Variants in NFIB observed in about 807,000 individuals in gnomAD.
The protein encoded by NFIB is nuclear factor 1 B-type.
In NFIB, 11 loss-of-function variants were observed where a neutral mutation model predicts 61.5. The ratio of observed to expected loss-of-function variants is 0.18; its 90% CI spans 0.11 to 0.30. The LOEUF (loss-of-function observed/expected upper bound fraction) is 0.30. NFIB is among the 10% of genes least tolerant of loss of function. NFIB has a pLI of 1.00. For missense variants in NFIB, 471 were observed against 608.9 expected, an observed-to-expected ratio of 0.77 and a Z score of 2.38; for synonymous variants, 260 against 216.5, an observed-to-expected ratio of 1.20 and a Z score of -1.76.
chr9:14,374,727 T>A (rs1458389091), intron 1 of NFIB, among the ~76,000 whole-genome samples: 1 of 152,100 alleles, frequency 6.6e-6, no homozygotes, highest in Non-Finnish European at 1.5e-5. Flanking sequence ...CTGGCCAACA[T>A]GGTGAAACCC....
chr9:14,386,472 C>G (rs2061549858), intron 1 of NFIB, among the ~76,000 whole-genome samples: 1 of 152,198 alleles, frequency 6.6e-6, no homozygotes, highest in Non-Finnish European at 1.5e-5. Flanking sequence ...AGAGCACTAT[C>G]TTACGCTACA....
At chr9:14,484,452 T>C in the NFIB span, among the ~76,000 whole-genome samples, 2 of 152,242 alleles carry the variant, frequency 1.3e-5, no homozygotes, top group African/African-American at 4.8e-5. Flanking sequence ...CCCAATCTTC[T>C]CATCTACTTC....
intron 2 of NFIB, among the ~76,000 whole-genome samples, chr9:14,277,027 G>A (rs1195436454): frequency 6.6e-6 from 1 of 151,946 alleles, no homozygotes; most frequent in Non-Finnish European, 1.5e-5. Flanking sequence ...TGATCCACCT[G>A]TTAAAAAAAG....
At chr9:14,156,650 T>C (rs145421684) in intron 3 of NFIB, among the ~76,000 whole-genome samples, 78 of 152,290 alleles carry the variant, frequency 5.1e-4, no homozygotes, top group African/African-American at 1.8e-3. Flanking sequence ...GCCTGCTTGC[T>C]AGCTGGTCTA....
chr9:14,311,166 G>C (rs1243357497), intron 1 of NFIB, among the ~76,000 whole-genome samples: 2 of 151,866 alleles, frequency 1.3e-5, no homozygotes, highest in Non-Finnish European at 2.9e-5. Flanking sequence ...ATACTATTTT[G>C]CTAAACATAA....
At chr9:14,449,440 T>G in the NFIB span, among the ~76,000 whole-genome samples, 2 of 152,166 alleles carry the variant, frequency 1.3e-5, no homozygotes. Flanking sequence ...CAGGCAAAGT[T>G]GAGGATCACT....
At chr9:14,327,482 T>C (rs1160812751) in intron 1 of NFIB, among the ~76,000 whole-genome samples, 1 of 152,180 alleles carries the variant, frequency 6.6e-6, no homozygotes, top group African/African-American at 2.4e-5. Flanking sequence ...CAAACACACA[T>C]TGCATGCTTA....
chr9:14,131,262 G>A (rs2040370731), intron 6 of NFIB, among the ~76,000 whole-genome samples: 1 of 152,088 alleles, frequency 6.6e-6, no homozygotes, highest in Admixed American at 6.6e-5. Flanking sequence ...AGTTCAAGTA[G>A]GCTACTGATA....
In NFIB at chr9:14,102,367, T is replaced by G. The variant is rs1044534053; in HGVS notation, c.1467+10632A>C. ...TAAAGCTAGTTAAAAACAAACACTA[T>G]AGCTCATGTAATTTTTAGGTGTAAG... On this transcript the variant is annotated intron_variant, in intron 10 of 10. Coordinates refer to ENST00000380953, the MANE Select transcript of NFIB (RefSeq NM_001190737.2). 4 of 1,430,556 alleles carry G rather than the reference T, an allele frequency of 2.8e-6. No individual in the cohort carries two copies. The African/African-American group carries it at 4.3e-5, about 15-fold the overall frequency. 88.6% of individuals were successfully genotyped at this position (1,430,556 alleles called of 1,614,324 possible). A position where few individuals can be genotyped will look rare whatever the true frequency, so the allele number is the denominator to read the frequency against.
upstream of NFIB, among the ~76,000 whole-genome samples, chr9:14,401,836 T>A (rs1038343514): frequency 6.6e-6 from 1 of 152,132 alleles, no homozygotes; most frequent in Non-Finnish European, 1.5e-5. Flanking sequence ...TCCAGAACAA[T>A]CCCTAATGTG....
In NFIB at chr9:14,327,429, G is replaced by A. The variant is rs192498476; in HGVS notation, c.109-19909C>T. ...GTCTATATTCCGTAAGTAAGAAATC[G>A]TAGGTGCAGCCCAGGGAGTAGAGGA... On this transcript the variant is annotated intron_variant, in intron 1 of 8. Transcript: ENST00000380934. Among the ~76,000 whole-genome samples, 38 of 152,262 alleles carry A rather than the reference G, an allele frequency of 2.5e-4. No individual in the cohort carries two copies. In the East Asian group the frequency reaches 4.2e-3, roughly 17 times the overall value.
the NFIB span, among the ~76,000 whole-genome samples, chr9:14,473,218 C>A: frequency 5.3e-5 from 8 of 152,178 alleles, no homozygotes; most frequent in South Asian, 2.1e-4. Flanking sequence ...CAGGAGGAGA[C>A]CCTGGGATAA....
intron 1 of NFIB, among the ~76,000 whole-genome samples, chr9:14,345,726 A>C (rs1254145126): frequency 6.6e-6 from 1 of 152,114 alleles, no homozygotes; most frequent in Non-Finnish European, 1.5e-5. Context: ...CAGTGTGTCA[A>C]CCGCTCAGAC....
the NFIB span, among the ~76,000 whole-genome samples, chr9:14,466,675 C>G: frequency 1.3e-5 from 2 of 152,326 alleles, no homozygotes; most frequent in East Asian, 3.9e-4. Flanking sequence ...TCTTCTTTCT[C>G]CTCTGCCCCC....
At chr9:14,095,337 G>A (rs1247654019) in intron 10 of NFIB, among the ~76,000 whole-genome samples, 1 of 151,924 alleles carries the variant, frequency 6.6e-6, no homozygotes, top group African/African-American at 2.4e-5. Flanking sequence ...ACATATATAA[G>A]AACTCAGGTA....
upstream of NFIB, chr9:14,314,218 G>C (rs1564002556): frequency 1.2e-6 from 1 of 855,310 alleles, no homozygotes; most frequent in African/African-American, 1.9e-5. Flanking sequence ...AGAGGCCGGG[G>C]TGAGGGAGGG....
intron 3 of NFIB, among the ~76,000 whole-genome samples, chr9:14,168,553 T>C (rs764345983): frequency 7.9e-5 from 12 of 152,212 alleles, no homozygotes; most frequent in Non-Finnish European, 1.3e-4. Context: ...TCATATTGTA[T>C]GTCATGCTAA....
intron 10 of NFIB, among the ~76,000 whole-genome samples, chr9:14,099,280 C>A (rs1050194866): frequency 1.3e-5 from 2 of 152,152 alleles, no homozygotes; most frequent in Non-Finnish European, 1.5e-5. Flanking sequence ...TCCATCGTGA[C>A]AAAGGCAAAT....
intron 2 of NFIB, among the ~76,000 whole-genome samples, chr9:14,261,171 G>T (rs1391525964): frequency 6.6e-6 from 1 of 152,124 alleles, no homozygotes; most frequent in East Asian, 1.9e-4. Flanking sequence ...CCAAAAATTA[G>T]CTGGGTGTGG....
Sources: allele counts gnomAD v4.1 joint callset (sites outside exome capture counted in the v4.1 genomes callset), GRCh38; gene constraint gnomAD v4.1.1; transcripts MANE v1.5; gene names NCBI Gene and HGNC (gene_info 2026-07-23, HGNC 2026-07-21).